The following LIMA1 variants were observed in gnomAD, a reference collection of about 807,000 sequenced individuals.
LIMA1 encodes LIM domain and actin binding 1.
LIMA1 carries 52 observed loss-of-function variants against 62.6 expected under a neutral mutation model. The ratio of observed to expected loss-of-function variants is 0.83; its 90% CI spans 0.67 to 1.05. The LOEUF (loss-of-function observed/expected upper bound fraction) is 1.05, where lower values mean the gene tolerates loss of function less well. Among genes scored for constraint, LIMA1 ranks in the 50% least tolerant of loss-of-function variants. The pLI, the probability that LIMA1 is intolerant of heterozygous loss-of-function variation, is 0.00. For missense variants in LIMA1, 780 were observed against 902.2 expected, an observed-to-expected ratio of 0.86 and a Z score of 1.74; for synonymous variants, 302 against 317.8, an observed-to-expected ratio of 0.95 and a Z score of 0.53.
chr12:50,243,577 T>C (rs149082745), intron 2 of LIMA1, among the ~76,000 whole-genome samples: 15 of 152,312 alleles, frequency 9.8e-5, no homozygotes, highest in East Asian at 9.6e-4. Flanking sequence ...TTCCACTGAG[T>C]ATAAAACCTA....
At chr12:50,266,618 G>A (rs1366613673) in intron 1 of LIMA1, among the ~76,000 whole-genome samples, 5 of 152,164 alleles carry the variant, frequency 3.3e-5, no homozygotes, top group African/African-American at 9.7e-5. Context: ...ACCTGGGGCG[G>A]GGTGCATCTA....
chr12:50,176,786 C>T lies in LIMA1; in HGVS notation c.*278G>A, dbSNP rs1417496334. 7 of 315,740 alleles carry T rather than the reference C, an allele frequency of 2.2e-5. No homozygotes were observed. Among genetic ancestry groups the T allele is most frequent in the African/African-American group, 1.3e-4 (6 of 46,476 alleles). 19.6% of individuals were successfully genotyped at this position (315,740 alleles called of 1,614,324 possible). On this transcript the variant is annotated 3_prime_UTR_variant, in exon 11 of 11. Transcript: ENST00000341247. Reference sequence around the variant, plus strand: ...AATACAGTAGAATCTGGGCTATTATCAGGTGGAATATTTCCCCAGTTACAA... The same window carrying T: ...AATACAGTAGAATCTGGGCTATTATTAGGTGGAATATTTCCCCAGTTACAA...
chr12:50,185,676 T>A (rs761331331), intron 9 of LIMA1: 3 of 356,300 alleles, frequency 8.4e-6, no homozygotes, highest in Non-Finnish European at 1.7e-5. Context: ...TTTATGAGCC[T>A]TCACCCACAC....
chr12:50,270,604 CAAAA>C (rs150300834), intron 1 of LIMA1, among the ~76,000 whole-genome samples: 5,670 of 71,254 alleles, frequency 0.08, 103 homozygotes, highest in African/African-American at 0.11. Flanking sequence ...GACCTTATCT[CAAAA>C]AAAAAAAAAA....
intron 8 of LIMA1, 143 bp downstream of exon 8, chr12:50,195,687 G>T: frequency 1.4e-6 from 1 of 725,992 alleles, no homozygotes; most frequent in Non-Finnish European, 2.2e-6. Context: ...GTGTGTAAAG[G>T]ACATTCAAGC....
At position 50,277,052 on chromosome 12, in the gene LIMA1, T is replaced by G. The variant is rs1247145464; in HGVS notation, c.-24+6368A>C. 4.6e-5 allele frequency among the ~76,000 whole-genome samples: 7 copies of G among 152,124 alleles called. No homozygotes were observed. In the East Asian group the frequency reaches 1.3e-3, roughly 29 times the overall value. On this transcript the variant is annotated intron_variant, in intron 1 of 10. Coordinates refer to ENST00000341247, the MANE Select transcript of LIMA1 (RefSeq NM_016357.5). ...GAAGAAGTTGTTAAATAACTTGCCT[T>G]GGAGACGTACACCCTCTAGTCACAA...
intron 4 of LIMA1, chr12:50,218,490 G>A (rs1941386953): frequency 6.6e-6 from 1 of 152,230 alleles, no homozygotes; most frequent in African/African-American, 2.4e-5. Context: ...CAAGGCTATG[G>A]GCTCCACAGT....
intron 1 of LIMA1, among the ~76,000 whole-genome samples, chr12:50,264,878 C>A (rs1215887315): frequency 6.6e-6 from 1 of 152,160 alleles, no homozygotes; most frequent in African/African-American, 2.4e-5. Flanking sequence ...CATGGCCAGG[C>A]ACAGTGGCTC....
At chr12:50,227,845 ATTT>A (rs1206396988) in intron 3 of LIMA1, among the ~76,000 whole-genome samples, 24 of 142,340 alleles carry the variant, frequency 1.7e-4, no homozygotes, top group African/African-American at 6.0e-4. Flanking sequence ...TGATATGGTA[ATTT>A]TTTTTTTCTT....
chr12:50,185,554 A>G (rs1940611611), intron 9 of LIMA1: 1 of 439,068 alleles, frequency 2.3e-6, no homozygotes, highest in African/African-American at 2.0e-5. Flanking sequence ...TCCAAGAATA[A>G]GACCACATTT....
chr12:50,273,287 T>C (rs1031960284), intron 1 of LIMA1, among the ~76,000 whole-genome samples: 6 of 152,110 alleles, frequency 3.9e-5, no homozygotes, highest in Non-Finnish European at 5.9e-5. Flanking sequence ...ACTGTTTCAA[T>C]TGAATTTTAA....
intron 3 of LIMA1, among the ~76,000 whole-genome samples, chr12:50,226,640 A>C (rs1350021597): frequency 6.6e-6 from 1 of 152,146 alleles, no homozygotes; most frequent in African/African-American, 2.4e-5. Flanking sequence ...AGAGATTGAG[A>C]CCATCCTGGC....
At chr12:50,178,966 A>ATATTTTTTT (rs56674261) in intron 10 of LIMA1, among the ~76,000 whole-genome samples, 8 of 128,960 alleles carry the variant, frequency 6.2e-5, no homozygotes, top group Non-Finnish European at 1.1e-4. Context: ...ATATATATAT[A>ATATTTTTTT]TTTTTTTTTT....
At chr12:50,214,720 C>T (rs949875735) in intron 4 of LIMA1, among the ~76,000 whole-genome samples, 4 of 152,242 alleles carry the variant, frequency 2.6e-5, no homozygotes, top group African/African-American at 7.2e-5. Context: ...GGAGGAGAAT[C>T]ACTTGAACCC....
intron 1 of LIMA1, among the ~76,000 whole-genome samples, chr12:50,261,321 G>A (rs1379954004): frequency 6.6e-6 from 1 of 151,660 alleles, no homozygotes; most frequent in African/African-American, 2.4e-5. Context: ...CCAAGTGCTG[G>A]GATTAGAGGC....
chr12:50,279,422 T>C (rs990058538), intron 1 of LIMA1, among the ~76,000 whole-genome samples: 2 of 151,702 alleles, frequency 1.3e-5, no homozygotes, highest in Admixed American at 6.6e-5. Context: ...CAATTATATA[T>C]ACAATATGAA....
intron 9 of LIMA1, chr12:50,188,996 TTTGC>T (rs1256117657): frequency 1.3e-5 from 2 of 152,244 alleles, no homozygotes; most frequent in African/African-American, 4.8e-5. Context: ...CCCTGTGGGG[TTTGC>T]TACTTTGTGA....
chr12:50,259,242 T>TAGCCC (rs1942035961), intron 1 of LIMA1, among the ~76,000 whole-genome samples: 1 of 152,158 alleles, frequency 6.6e-6, no homozygotes, highest in Non-Finnish European at 1.5e-5. Context: ...CACATGGCCC[T>TAGCCC]TTTCCAAACT....
chr12:50,256,972 A>C (rs1475144265), intron 1 of LIMA1, among the ~76,000 whole-genome samples: 1 of 152,184 alleles, frequency 6.6e-6, no homozygotes, highest in Non-Finnish European at 1.5e-5. Flanking sequence ...ATTAGCCTTG[A>C]TCACATGGTT....
Sources: allele counts gnomAD v4.1 joint callset (sites outside exome capture counted in the v4.1 genomes callset), GRCh38; gene constraint gnomAD v4.1.1; transcripts MANE v1.5; gene names NCBI Gene and HGNC (gene_info 2026-07-23, HGNC 2026-07-21).